USP43: variants seen among roughly 807,000 people sequenced by gnomAD.
USP43 encodes the protein ubiquitin specific peptidase 43.
Under a neutral mutation model 90.7 loss-of-function variants are expected in USP43, and 33 were observed. The observed-to-expected ratio is 0.36, with a 90% CI of 0.28 to 0.49. The LOEUF is 0.49. Among genes scored for constraint, USP43 ranks in the 20% least tolerant of loss-of-function variants. USP43 has a pLI of 0.98. For missense variants in USP43, 1,274 were observed against 1,476.4 expected (o/e 0.86, Z 2.25); for synonymous variants, 598 against 615.8 (o/e 0.97, Z 0.43).
chr17:9,728,848 G>T lies in USP43; in HGVS notation c.3230G>T (p.Ser1077Ile), dbSNP rs773900052. 12 of 1,613,950 alleles carry T rather than the reference G, an allele frequency of 7.4e-6. No homozygotes were observed. The highest frequency in any genetic ancestry group is 1.3e-5 in the African/African-American group (1 of 75,064). Residue 1077 changes from serine (S) to isoleucine (I), a missense_variant, in exon 15 of 15, where the codon AGC becomes ATC. This residue lies in a region of USP43 where 353 missense variants were observed against 329.7 expected (regional missense o/e 1.07). Coordinates refer to ENST00000285199, the MANE Select transcript of USP43 (RefSeq NM_153210.5). The surrounding 1 kb of genome is among the most constrained non-coding windows in gnomAD (Gnocchi z 6.2). ...TCTCTCCGCCTCCCTCGTAAAGCCA[G>T]CAGGGCCCCGAGAGGCAGTGCACTG... ...PSSLRLPRKA[S>I]RAPRGSALGM... is the part of the protein sequence containing the mutation.
chr17:9,656,344 C>A, intron 1 of USP43, 59 bp from the exon 2 acceptor site: 1 of 1,574,078 alleles, frequency 6.4e-7, no homozygotes, highest in South Asian at 1.2e-5. Context: ...GCTCACAGAG[C>A]CTTCATTTGG....
intron 1 of USP43, among the ~76,000 whole-genome samples, chr17:9,651,518 T>C (rs762816629): frequency 6.6e-6 from 1 of 152,230 alleles, no homozygotes; most frequent in Non-Finnish European, 1.5e-5. Flanking sequence ...GTAAGTTCCT[T>C]AGTTCTTGTC....
intron 8 of USP43, among the ~76,000 whole-genome samples, chr17:9,689,182 A>G (rs909424057): frequency 6.6e-6 from 1 of 152,148 alleles, no homozygotes; most frequent in Non-Finnish European, 1.5e-5. Flanking sequence ...TTTAACCCAT[A>G]ATTCTTTTAA....
chr17:9,652,445 TCCGC>T (rs1911938009), intron 1 of USP43, among the ~76,000 whole-genome samples: 1 of 151,700 alleles, frequency 6.6e-6, no homozygotes, highest in African/African-American at 2.4e-5. Context: ...CACTGCAAGC[TCCGC>T]CTCCCGGGTT....
chr17:9,655,846 G>A (rs1043131278), intron 1 of USP43, among the ~76,000 whole-genome samples: 31 of 152,218 alleles, frequency 2.0e-4, no homozygotes, highest in Non-Finnish European at 3.5e-4. Flanking sequence ...ATATTAGAAA[G>A]AGGCAGTAGA....
intron 3 of USP43, among the ~76,000 whole-genome samples, chr17:9,670,932 T>A (rs2151970222): frequency 6.6e-6 from 1 of 152,200 alleles, no homozygotes; most frequent in African/African-American, 2.4e-5. Context: ...CAGTGGTCAG[T>A]GGGGGAAGTG....
At position 9,709,981 on chromosome 17, in the gene USP43, C is replaced by A; in HGVS notation, c.2037C>A (p.Gly679=). The part of the protein sequence containing the change: ...YTAYCRNSLD[G]QWYSYDDSTV... ...CCTACTGCCGGAACTCTCTGGATGG[C>A]CAGTGGTACAGTTATGATGACAGCA... Residue 679 remains glycine (G), a synonymous_variant, in exon 13 of 15, where the codon GGC becomes GGA. Coordinates refer to ENST00000285199, the MANE Select transcript of USP43 (RefSeq NM_153210.5). This position sits in a 1 kb window ranked among gnomAD's most constrained non-coding sequence, Gnocchi z 5.0. The A allele has an allele frequency of 1.3e-6, 2 of 1,503,110 alleles. No individual in the cohort carries two copies. The highest frequency in any genetic ancestry group is 8.9e-7 in the Non-Finnish European group (1 of 1,123,762). 93.1% of individuals were successfully genotyped at this position (1,503,110 alleles called of 1,614,324 possible). A position where few individuals can be genotyped will look rare whatever the true frequency, so the allele number is the denominator to read the frequency against.
In USP43 at chr17:9,693,237, G is replaced by C; in HGVS notation, c.1457+7G>C. ...GTCACTGGGCAGTTGACAGGTAAGGGGGAAGGTCCAGGTTCAGTCAGCTAA... is the reference window on the plus strand; with the variant it reads ...GTCACTGGGCAGTTGACAGGTAAGGCGGAAGGTCCAGGTTCAGTCAGCTAA... On this transcript the variant is annotated splice_region_variant and intron_variant, in intron 9 of 14. Transcript: ENST00000285199. 1 of 1,609,092 alleles carries C rather than the reference G, an allele frequency of 6.2e-7. No homozygotes were observed. The highest frequency in any genetic ancestry group is 8.5e-7 in the Non-Finnish European group (1 of 1,177,364).
rs111611490 is a variant in USP43 at position 9,656,545 on chromosome 17, C to G, written c.636+11C>G. ...CCGGTGTCGGAGAAGGTCGGTCACT[C>G]TCAAAACAACACAATGTACTGGGTT... On this transcript the variant is annotated intron_variant, in intron 2 of 14. Transcript: ENST00000285199. 2.5e-6 allele frequency: 4 copies of G among 1,607,952 alleles called. No individual in the cohort carries two copies. The South Asian group carries it at 4.5e-5, about 18-fold the overall frequency.
chr17:9,680,862 A>G (rs1404655178), intron 6 of USP43, among the ~76,000 whole-genome samples: 1 of 151,420 alleles, frequency 6.6e-6, no homozygotes, highest in African/African-American at 2.4e-5. Flanking sequence ...CTTTTTAACA[A>G]AATAGTTCCA....
At chr17:9,647,671 G>A (rs1048711317) in intron 1 of USP43, 2 of 152,010 alleles carry the variant, frequency 1.3e-5, no homozygotes, top group Non-Finnish European at 2.9e-5. Context: ...TTTCCATCCA[G>A]TTACCACAGC....
chr17:9,671,613 C>A (rs1913445423), intron 3 of USP43, among the ~76,000 whole-genome samples: 1 of 152,168 alleles, frequency 6.6e-6, no homozygotes, highest in African/African-American at 2.4e-5. Flanking sequence ...GTTTTAATAG[C>A]ACTGACGGGA....
rs765565793 is a variant in USP43 at position 9,701,378 on chromosome 17, T to C, written c.1689T>C (p.Cys563=). The change falls in exon 12 of 15, where the codon TGT becomes TGC. Residue 563 remains cysteine, a synonymous_variant. Transcript: ENST00000285199. The surrounding 1 kb of genome is among the most constrained non-coding windows in gnomAD (Gnocchi z 7.2). The part of the protein sequence containing the change: ...EQLAQDDAWK[C]PHCQVLQQGM... ...TGGCCCAGGATGACGCCTGGAAGTG[T>C]CCTCACTGCCAAGTCCTGCAGCAGG... 3.1e-6 allele frequency: 5 copies of C among 1,600,902 alleles called. No homozygotes were observed. The South Asian group carries it at 5.7e-5, about 18-fold the overall frequency.
chr17:9,702,366 A>G (rs1915625219), intron 12 of USP43, among the ~76,000 whole-genome samples: 1 of 152,184 alleles, frequency 6.6e-6, no homozygotes, highest in Non-Finnish European at 1.5e-5. Flanking sequence ...AAATAAACCA[A>G]CAAACAGAGG....
Position 9,671,173 on chromosome 17 carries a change from G to A in USP43, c.741-3718G>A, listed in dbSNP as rs868864671. ...AGAGTACCGAAGATCCTGGACTATA[G>A]CAAAGATATTTAGTTATTCTATGTG... On this transcript the variant is annotated intron_variant, in intron 3 of 14. Transcript: ENST00000285199. Among the ~76,000 whole-genome samples, 71 of 152,300 alleles carry A rather than the reference G, an allele frequency of 4.7e-4. 2 individuals carry two copies. The Middle Eastern group carries it at 0.027, about 58-fold the overall frequency.
intron 14 of USP43, among the ~76,000 whole-genome samples, chr17:9,714,525 C>CAA (rs35012232): frequency 2.0e-5 from 3 of 150,784 alleles, no homozygotes; most frequent in East Asian, 2.0e-4. Flanking sequence ...ACTAAAAATA[C>CAA]AAAAAAAATT....
chr17:9,649,855 T>C (rs1911737712), intron 1 of USP43, among the ~76,000 whole-genome samples: 1 of 152,084 alleles, frequency 6.6e-6, no homozygotes, highest in Admixed American at 6.6e-5. Flanking sequence ...ATTTTCCTAG[T>C]CTTAATAATA....
intron 8 of USP43, among the ~76,000 whole-genome samples, chr17:9,687,845 A>C (rs1484200472): frequency 6.6e-6 from 1 of 152,222 alleles, no homozygotes; most frequent in Admixed American, 6.5e-5. Context: ...GATTTTGTTC[A>C]ATGTACTGTA....
chr17:9,676,647 C>G (rs1182816326), intron 4 of USP43, 99 bp from the exon 5 acceptor site: 4 of 1,428,004 alleles, frequency 2.8e-6, no homozygotes, highest in African/African-American at 1.4e-5. Flanking sequence ...GCTAGGATTA[C>G]AGGTGTGAGC....
Sources: gnomAD v4.1 joint callset for allele counts (sites outside exome capture counted in the v4.1 genomes callset) on GRCh38, gnomAD v4.1.1 for gene constraint, gnomAD v4.1.1 regional missense constraint, Gnocchi (gnomAD v3.1) non-coding constraint, MANE v1.5 for transcripts, NCBI Gene and HGNC (gene_info 2026-07-23, HGNC 2026-07-21) for gene names.